Variants in DAB1 observed in about 807,000 individuals in gnomAD.
DAB1 encodes the protein DAB adaptor protein 1.
In DAB1, 15 loss-of-function variants were observed where a neutral mutation model predicts 64.6. The ratio of observed to expected loss-of-function variants is 0.23; its 90% CI spans 0.16 to 0.36. The LOEUF is 0.36. Among genes scored for constraint, DAB1 ranks in the 10% least tolerant of loss-of-function variants. The probability of loss-of-function intolerance (pLI) is 1.00; values close to 1 mark genes in which losing one functional copy is unlikely to be tolerated. For missense variants in DAB1, 596 were observed against 706.7 expected (o/e 0.84, Z 1.78); for synonymous variants, 235 against 251.9 (o/e 0.93, Z 0.64).
At chr1:58,347,669 G>A (rs1429212760) in intron 3 of DAB1, among the ~76,000 whole-genome samples, 1 of 152,168 alleles carries the variant, frequency 6.6e-6, no homozygotes, top group Non-Finnish European at 1.5e-5. Context: ...GCACTTCCCT[G>A]ATTTACTCTT....
At chr1:57,485,603 CA>C (rs946543892) in intron 7 of DAB1, among the ~76,000 whole-genome samples, 1 of 152,172 alleles carries the variant, frequency 6.6e-6, no homozygotes, top group Non-Finnish European at 1.5e-5. Context: ...GACCTGAATT[CA>C]GATCTTTGCT....
At chr1:58,132,549 A>G (rs1051295307) in intron 5 of DAB1, among the ~76,000 whole-genome samples, 4 of 152,048 alleles carry the variant, frequency 2.6e-5, no homozygotes, top group African/African-American at 9.7e-5. Context: ...ACAGCCAGGG[A>G]TCTCTGAGGA....
chr1:58,348,477 A>G (rs774223668), intron 3 of DAB1, among the ~76,000 whole-genome samples: 23 of 152,218 alleles, frequency 1.5e-4, no homozygotes, highest in Non-Finnish European at 2.6e-4. Context: ...TGATGTTGCT[A>G]GCAGATGCTC....
chr1:57,307,543 G>T (rs1674295429), intron 1 of DAB1, among the ~76,000 whole-genome samples: 1 of 150,564 alleles, frequency 6.6e-6, no homozygotes, highest in African/African-American at 2.5e-5. Flanking sequence ...CATCCGCTGA[G>T]TCTAGGCCAC....
chr1:57,755,971 G>A (rs765189876), intron 6 of DAB1, among the ~76,000 whole-genome samples: 7 of 152,184 alleles, frequency 4.6e-5, no homozygotes, highest in Non-Finnish European at 1.0e-4. Flanking sequence ...CGAGGAGGCT[G>A]CATCATGTGG....
At chr1:58,448,185 C>G (rs1012164350) in intron 3 of DAB1, among the ~76,000 whole-genome samples, 1 of 152,174 alleles carries the variant, frequency 6.6e-6, no homozygotes, top group Non-Finnish European at 1.5e-5. Context: ...AGAATTTCAA[C>G]ACATGCACAT....
intron 3 of DAB1, among the ~76,000 whole-genome samples, chr1:58,376,640 A>G (rs1354446167): frequency 6.9e-6 from 1 of 144,960 alleles, no homozygotes; most frequent in Non-Finnish European, 1.5e-5. Flanking sequence ...TGGTGCTGAA[A>G]AAAATGTATA....
intron 3 of DAB1, among the ~76,000 whole-genome samples, chr1:58,466,367 T>C (rs1645295952): frequency 6.6e-6 from 1 of 151,912 alleles, no homozygotes; most frequent in African/African-American, 2.4e-5. Flanking sequence ...CTACATTTTT[T>C]CCCACAGGCA....
chr1:58,467,450 T>A (rs1645308081), intron 3 of DAB1, among the ~76,000 whole-genome samples: 1 of 152,246 alleles, frequency 6.6e-6, no homozygotes, highest in Admixed American at 6.5e-5. Flanking sequence ...ATTAAAAACA[T>A]AATAAACATA....
chr1:58,534,563 C>A (rs540385556), intron 1 of DAB1, among the ~76,000 whole-genome samples: 2 of 152,266 alleles, frequency 1.3e-5, no homozygotes. Context: ...AATAGATTGA[C>A]ATCAAAATTT....
At chr1:57,605,407 C>G (rs115609910) in intron 7 of DAB1, among the ~76,000 whole-genome samples, 3,064 of 152,222 alleles carry the variant, frequency 0.02, 105 homozygotes, top group African/African-American at 0.07. Context: ...GCTATTTACC[C>G]AGAAACTGTC....
chr1:58,404,176 C>G (rs1456288655), intron 3 of DAB1, among the ~76,000 whole-genome samples: 1 of 152,166 alleles, frequency 6.6e-6, no homozygotes, highest in Non-Finnish European at 1.5e-5. Context: ...AGCAAGCCAA[C>G]TCGGGGACCT....
chr1:57,739,711 C>T (rs1647887573), intron 6 of DAB1, among the ~76,000 whole-genome samples: 1 of 150,944 alleles, frequency 6.6e-6, no homozygotes. Context: ...CCTCGGCCTC[C>T]CAAAGTGCTG....
intron 5 of DAB1, among the ~76,000 whole-genome samples, chr1:58,023,362 G>C (rs1646841688): frequency 6.6e-6 from 1 of 152,122 alleles, no homozygotes; most frequent in Admixed American, 6.6e-5. Flanking sequence ...TCTTCAACCA[G>C]ATCAGGGACT....
chr1:58,162,209 C>G (rs368368549), intron 4 of DAB1, among the ~76,000 whole-genome samples: 1 of 152,128 alleles, frequency 6.6e-6, no homozygotes, highest in Non-Finnish European at 1.5e-5. Context: ...TCTTATCATG[C>G]CAAAGGACAG....
chr1:57,094,525 AG>A, intron 4 of DAB1, among the ~76,000 whole-genome samples: 2 of 152,302 alleles, frequency 1.3e-5, no homozygotes, highest in Admixed American at 1.3e-4. Context: ...GAGGAGGCGA[AG>A]GGGGGATTTG....
chr1:57,836,814 A>T (rs1026030704), intron 1 of DAB1, among the ~76,000 whole-genome samples: 1 of 152,182 alleles, frequency 6.6e-6, no homozygotes, highest in African/African-American at 2.4e-5. Context: ...TCCCTACTAA[A>T]AAAGAAAAGC....
In DAB1 at chr1:58,437,504, A is replaced by T. The variant is rs540408516; in HGVS notation, n.257+68556T>A. Among the ~76,000 whole-genome samples, 105 of 152,176 alleles carry T rather than the reference A, an allele frequency of 6.9e-4. 1 individual carries two copies. Among genetic ancestry groups the T allele is most frequent in the Admixed American group, 3.9e-4 (6 of 15,286 alleles). ...CTGCGGAATATAGTGTCCCTTCACC[A>T]TCCCCCACCCTCTGTACCCGGTTTT... On this transcript the variant is annotated intron_variant and non_coding_transcript_variant, in intron 3 of 20. Transcript: ENST00000485760.
At chr1:57,298,976 A>C (rs1673419064) in intron 1 of DAB1, among the ~76,000 whole-genome samples, 1 of 152,232 alleles carries the variant, frequency 6.6e-6, no homozygotes, top group Non-Finnish European at 1.5e-5. Context: ...GTGGTATCAC[A>C]AATGTCAACA....
Sources: gnomAD v4.1 joint callset for allele counts (sites outside exome capture counted in the v4.1 genomes callset) on GRCh38, gnomAD v4.1.1 for gene constraint, MANE v1.5 for transcripts, NCBI Gene and HGNC (gene_info 2026-07-23, HGNC 2026-07-21) for gene names.